The following ABCB5 variants were observed in gnomAD, a reference collection of about 807,000 sequenced individuals.
The protein encoded by ABCB5 is ATP binding cassette subfamily B member 5, also known as ATP-binding cassette sub-family B member 5.
A neutral mutation model predicts 144.2 loss-of-function variants in ABCB5; 155 were observed. The observed-to-expected ratio is 1.08, with a 90% CI of 0.94 to 1.23. The LOEUF (loss-of-function observed/expected upper bound fraction) is 1.23, where lower values mean the gene tolerates loss of function less well. Ranked by LOEUF, ABCB5 falls within the 50% of genes most tolerant of loss-of-function variation. ABCB5 has a pLI of 0.00. For synonymous variants in ABCB5, 610 were observed against 528.6 expected, an observed-to-expected ratio of 1.15 and a Z score of -2.11; for missense variants, 1,830 against 1,520.8, an observed-to-expected ratio of 1.20 and a Z score of -3.38.
At chr7:20,753,542 C>T in intron 27 of ABCB5, 36 bp downstream of exon 27, 3 of 1,577,410 alleles carry the variant, frequency 1.9e-6, no homozygotes, top group Non-Finnish European at 2.6e-6. Flanking sequence ...AATATAATAC[C>T]AAATATAAGC....
chr7:20,692,868 A>C (rs142951640), intron 16 of ABCB5, among the ~76,000 whole-genome samples: 37 of 152,288 alleles, frequency 2.4e-4, no homozygotes, highest in African/African-American at 8.7e-4. Flanking sequence ...TTCTTTCAAA[A>C]TTAAAAAGGA....
At chr7:20,722,630 G>A (rs1398078425) in intron 20 of ABCB5, among the ~76,000 whole-genome samples, 1 of 152,058 alleles carries the variant, frequency 6.6e-6, no homozygotes, top group Non-Finnish European at 1.5e-5. Flanking sequence ...GACCAGCTTG[G>A]CCAACATGGC....
At chr7:20,726,210 G>A (rs1202688778) in intron 21 of ABCB5, among the ~76,000 whole-genome samples, 12 of 151,960 alleles carry the variant, frequency 7.9e-5, no homozygotes, top group Non-Finnish European at 1.3e-4. Context: ...ATTCACAGAC[G>A]CCAATATGAG....
intron 26 of ABCB5, among the ~76,000 whole-genome samples, chr7:20,750,377 TC>T: frequency 7.5e-6 from 1 of 133,214 alleles, no homozygotes; most frequent in South Asian, 2.3e-4. Flanking sequence ...TCCAAAGGCT[TC>T]CCCCTACACA....
intron 20 of ABCB5, among the ~76,000 whole-genome samples, chr7:20,711,836 C>CTTTCTT (rs1787066113): frequency 1.7e-5 from 1 of 57,368 alleles, no homozygotes; most frequent in African/African-American, 1.5e-4. Context: ...TTCTTTCTTT[C>CTTTCTT]TTTCTTTCTT....
chr7:20,691,647 C>T (rs535818069), intron 16 of ABCB5, among the ~76,000 whole-genome samples: 25 of 150,852 alleles, frequency 1.7e-4, no homozygotes, highest in African/African-American at 5.8e-4. Flanking sequence ...TACATGTGCA[C>T]AACGTGCAGG....
At chr7:20,679,325 T>TG (rs1231765519) in intron 14 of ABCB5, among the ~76,000 whole-genome samples, 3 of 151,774 alleles carry the variant, frequency 2.0e-5, no homozygotes, top group Non-Finnish European at 4.4e-5. Context: ...AAAAATTAGC[T>TG]GGGCATGGTG....
intron 23 of ABCB5, among the ~76,000 whole-genome samples, chr7:20,730,342 G>A (rs1471629108): frequency 6.6e-6 from 1 of 152,120 alleles, no homozygotes; most frequent in Non-Finnish European, 1.5e-5. Flanking sequence ...AATGCTGTCT[G>A]TAGTCAAAAT....
Position 20,681,058 on chromosome 7 carries a change from CTCTTTCTTTCTT to C in ABCB5, c.1708-389_1708-378del, listed in dbSNP as rs869158355. On this transcript the variant is annotated intron_variant, in intron 14 of 27. Transcript: ENST00000404938. ...TCTCTTTCTTTCTTTCTCTCTCTCT[CTCTTTCTTTCTT>C]TCTTTCTTTCTTTCTTTCTTTCTTT... Among the ~76,000 whole-genome samples, 153 of 47,578 alleles carry C rather than the reference CTCTTTCTTTCTT, an allele frequency of 3.2e-3. 7 individuals carry two copies. In the South Asian group the frequency reaches 0.054, roughly 17 times the overall value. 31.2% of individuals were successfully genotyped at this position (47,578 alleles called of 152,430 possible).
At chr7:20,683,019 T>A (rs1234155996) in intron 15 of ABCB5, among the ~76,000 whole-genome samples, 1 of 152,206 alleles carries the variant, frequency 6.6e-6, no homozygotes, top group South Asian at 2.1e-4. Flanking sequence ...TTCGAAGGGC[T>A]CTTCTACAGA....
chr7:20,700,099 A>C lies in ABCB5; in HGVS notation c.2301A>C (p.Arg767Ser). Residue 767 changes from arginine (R) to serine (S), a missense_variant, in exon 19 of 28, where the codon AGA becomes AGC. Physicochemically the swap from Arg to Ser is moderately radical, Grantham distance 110 (BLOSUM62 -1). Coordinates refer to ENST00000404938, the MANE Select transcript of ABCB5 (RefSeq NM_001163941.2). ...YGRAGEILTM[R>S]LRHLAFKAML... is the part of the protein sequence containing the mutation. ...GAGCAGGGGAAATTTTAACGATGAG[A>C]TTAAGACACTTGGCCTTCAAAGCCA... 1 of 1,613,468 alleles carries C rather than the reference A, an allele frequency of 6.2e-7. No homozygotes were observed. The highest frequency in any genetic ancestry group is 2.2e-5 in the East Asian group (1 of 44,804).
At chr7:20,647,820 T>C (rs943228633) in intron 10 of ABCB5, 148 bp from the exon 11 acceptor site, 3 of 1,164,296 alleles carry the variant, frequency 2.6e-6, no homozygotes, top group African/African-American at 1.6e-5. Context: ...GATTGTGTTG[T>C]ATTGAAACCT....
At chr7:20,733,917 G>A (rs1203167725) in intron 23 of ABCB5, among the ~76,000 whole-genome samples, 1 of 152,106 alleles carries the variant, frequency 6.6e-6, no homozygotes, top group Non-Finnish European at 1.5e-5. Flanking sequence ...TAGGATTACA[G>A]GTGTAAGCCA....
rs763265331 is a variant in ABCB5 at position 20,698,416 on chromosome 7, C to T, written c.2020C>T (p.Pro674Ser). The T allele has an allele frequency of 1.6e-5, 25 of 1,573,288 alleles. No individual in the cohort carries two copies. The East Asian group carries it at 4.7e-4, about 30-fold the overall frequency. The change falls in exon 17 of 28, where the codon CCT (proline) becomes TCT (serine). Residue 674 changes from proline to serine, a missense_variant. By Grantham distance (74) the Pro-to-Ser change is moderately conservative. Transcript: ENST00000404938. Reference sequence around the variant, plus strand: ...CATATTTTATTTTTAGATAAGTCTTCCTGAAGTCTCTCTATTAAAAATTTT... The same window carrying T: ...CATATTTTATTTTTAGATAAGTCTTTCTGAAGTCTCTCTATTAAAAATTTT... ...ESTQSKEISL[P>S]EVSLLKILKL...
At chr7:20,708,202 T>C (rs1786887330) in intron 20 of ABCB5, among the ~76,000 whole-genome samples, 1 of 152,190 alleles carries the variant, frequency 6.6e-6, no homozygotes. Flanking sequence ...AAATGACTTT[T>C]CCACAGCATA....
At chr7:20,681,120 C>CTTTCTTTCTTTCT (rs1562559376) in intron 14 of ABCB5, among the ~76,000 whole-genome samples, 1 of 87,888 alleles carries the variant, frequency 1.1e-5, no homozygotes, top group African/African-American at 4.0e-5. Context: ...TTCTTTCTTT[C>CTTTCTTTCTTTCT]TTTCTTTTTC....
At chr7:20,655,069 G>A (rs1583398857) in intron 13 of ABCB5, among the ~76,000 whole-genome samples, 1 of 149,990 alleles carries the variant, frequency 6.7e-6, no homozygotes, top group African/African-American at 2.5e-5. Context: ...AAGTATAACT[G>A]TAGCAAAGCT....
At chr7:20,705,808 T>G (rs187737361) in intron 20 of ABCB5, among the ~76,000 whole-genome samples, 3 of 152,060 alleles carry the variant, frequency 2.0e-5, no homozygotes, top group East Asian at 1.9e-4. Context: ...CTAAGTTGTT[T>G]TTTTTTTTTA....
intron 1 of ABCB5, among the ~76,000 whole-genome samples, chr7:20,622,305 A>T (rs938467697): frequency 6.6e-6 from 1 of 152,108 alleles, no homozygotes; most frequent in African/African-American, 2.4e-5. Flanking sequence ...ATTACTGGAG[A>T]TGGTGTAAAG....
Sources: gnomAD v4.1 joint callset for allele counts (sites outside exome capture counted in the v4.1 genomes callset) on GRCh38, gnomAD v4.1.1 for gene constraint, MANE v1.5 for transcripts, NCBI Gene and HGNC (gene_info 2026-07-23, HGNC 2026-07-21) for gene names.